Variants in STXBP3 observed in about 807,000 individuals in gnomAD.
STXBP3 encodes the protein syntaxin-binding protein 3.
In STXBP3, 41 loss-of-function variants were observed where a neutral mutation model predicts 85.7. The observed-to-expected ratio is 0.48, with a 90% confidence interval of 0.37 to 0.62. The LOEUF is 0.62. Ranked by LOEUF, STXBP3 falls within the 20% of genes least tolerant of loss-of-function variation. The pLI is 0.00. For synonymous variants in STXBP3, 229 were observed against 231.7 expected, an observed-to-expected ratio of 0.99 and a Z score of 0.10; for missense variants, 563 against 703.1, an observed-to-expected ratio of 0.80 and a Z score of 2.25.
At chr1:108,799,842 C>T (rs191959189) in intron 16 of STXBP3, among the ~76,000 whole-genome samples, 115 of 152,098 alleles carry the variant, frequency 7.6e-4, no homozygotes, top group African/African-American at 2.7e-3. Context: ...ATTGAATTGT[C>T]TTGAGTACCC....
Position 108,752,260 on chromosome 1 carries a change from T to C in STXBP3, c.53T>C (p.Ile18Thr). The change falls in exon 2 of 19, where the codon ATA (isoleucine) becomes ACA (threonine). Residue 18 changes from isoleucine (I) to threonine (T), a missense_variant. Ile to Thr is a moderately conservative substitution (Grantham distance 89). Around this residue, in one of 3 missense-constraint regions of STXBP3, gnomAD observed 37 missense variants for 39.7 expected, o/e 0.93. Coordinates refer to ENST00000370008, the MANE Select transcript of STXBP3 (RefSeq NM_007269.4). ...RGLKSVVWQK[I>T]KATVFDDCKK... ...AATTCCTTTCTTTTTTAAACAGAGATAAAAGCAACAGTGTTTGATGACTGC... is the reference window on the plus strand; with the variant it reads ...AATTCCTTTCTTTTTTAAACAGAGACAAAAGCAACAGTGTTTGATGACTGC... The C allele has an allele frequency of 6.2e-7, 1 of 1,610,096 alleles. No individual in the cohort carries two copies. The highest frequency in any genetic ancestry group is 8.5e-7 in the Non-Finnish European group (1 of 1,177,864).
At chr1:108,785,687 C>T (rs1445267364) in intron 11 of STXBP3, among the ~76,000 whole-genome samples, 1 of 152,162 alleles carries the variant, frequency 6.6e-6, no homozygotes, top group African/African-American at 2.4e-5. Context: ...ATTTTTCAAA[C>T]TTTTATGCTC....
intron 11 of STXBP3, among the ~76,000 whole-genome samples, chr1:108,785,623 A>G (rs768929900): frequency 1.1e-4 from 17 of 152,182 alleles, no homozygotes; most frequent in Non-Finnish European, 2.5e-4. Flanking sequence ...TTCAGCAGCC[A>G]GCTTGAATTT....
At chr1:108,791,663 G>A (rs964431256) in intron 11 of STXBP3, among the ~76,000 whole-genome samples, 2 of 151,852 alleles carry the variant, frequency 1.3e-5, no homozygotes. Flanking sequence ...TGAAAACTGA[G>A]GTATAAAGCA....
At chr1:108,762,885 A>G (rs1246407591) in intron 6 of STXBP3, among the ~76,000 whole-genome samples, 2 of 152,238 alleles carry the variant, frequency 1.3e-5, no homozygotes, top group East Asian at 3.8e-4. Context: ...TACTTTTGCC[A>G]AAATCCTCCA....
At chr1:108,808,421 A>G (rs115667974) in intron 18 of STXBP3, among the ~76,000 whole-genome samples, 2,741 of 152,322 alleles carry the variant, frequency 0.018, 38 homozygotes, top group Middle Eastern at 0.034. Flanking sequence ...GAGGCGATGG[A>G]TCTGTGTGTT....
At chr1:108,759,294 C>T (rs1202499085) in intron 5 of STXBP3, 3 of 152,090 alleles carry the variant, frequency 2.0e-5, no homozygotes, top group Admixed American at 2.0e-4. Context: ...AAAAATGTCA[C>T]ACCATAAGTA....
chr1:108,765,619 G>C (rs186267002), intron 6 of STXBP3, among the ~76,000 whole-genome samples: 6 of 126,200 alleles, frequency 4.8e-5, no homozygotes, highest in African/African-American at 1.6e-4. Context: ...CCATCATCCA[G>C]GCTGGAGTGC....
chr1:108,754,629 A>G (rs534579020), intron 3 of STXBP3, among the ~76,000 whole-genome samples: 18 of 152,260 alleles, frequency 1.2e-4, no homozygotes, highest in African/African-American at 4.3e-4. Context: ...CTGTATGCTC[A>G]CTATTAATAG....
intron 11 of STXBP3, among the ~76,000 whole-genome samples, chr1:108,790,582 T>C (rs1662953425): frequency 6.6e-6 from 1 of 152,044 alleles, no homozygotes; most frequent in Non-Finnish European, 1.5e-5. Flanking sequence ...ATTATTGATA[T>C]AGTTAAATTT....
At chr1:108,807,342 T>C in intron 17 of STXBP3, 59 bp from the exon 18 acceptor site, 2 of 1,537,894 alleles carry the variant, frequency 1.3e-6, no homozygotes, top group South Asian at 2.5e-5. Flanking sequence ...TCTACAAGCA[T>C]TATGGCTTTG....
At chr1:108,776,130 G>T (rs1662586689) in intron 7 of STXBP3, among the ~76,000 whole-genome samples, 1 of 152,102 alleles carries the variant, frequency 6.6e-6, no homozygotes, top group Admixed American at 6.6e-5. Flanking sequence ...AAGCAGATAT[G>T]ATAAGGTTTT....
rs928784399 is a variant in STXBP3, at chr1:108,772,282, TATA to T, written c.439-381_439-379del. ...ACATATGATATCTATCTGTATCATA[TATA>T]AATACATATGATATCTGTATCATAT... On this transcript the variant is annotated intron_variant, in intron 6 of 18. Coordinates refer to ENST00000370008, the MANE Select transcript of STXBP3 (RefSeq NM_007269.4). Among the ~76,000 whole-genome samples the T allele has an allele frequency of 4.4e-4, 34 of 77,602 alleles. 9 individuals are homozygous for T. Among genetic ancestry groups the T allele is most frequent in the Non-Finnish European group, 9.1e-4 (33 of 36,326 alleles). The allele number at this position is 77,602 out of a possible 152,430, so 50.9% of individuals were successfully genotyped here.
chr1:108,773,932 A>G (rs1480169494), intron 7 of STXBP3, among the ~76,000 whole-genome samples: 1 of 152,126 alleles, frequency 6.6e-6, no homozygotes, highest in African/African-American at 2.4e-5. Flanking sequence ...CAAAATGAAC[A>G]TATCCATCTA....
chr1:108,786,492 A>G (rs2101126650), intron 11 of STXBP3, among the ~76,000 whole-genome samples: 1 of 152,324 alleles, frequency 6.6e-6, no homozygotes, highest in East Asian at 1.9e-4. Flanking sequence ...GTCTAGCTTC[A>G]TTTTATTTCG....
chr1:108,807,075 A>T (rs1232102856), intron 17 of STXBP3, among the ~76,000 whole-genome samples: 1 of 152,140 alleles, frequency 6.6e-6, no homozygotes, highest in Admixed American at 6.5e-5. Flanking sequence ...AACATGGTGA[A>T]ACCCTGTCTC....
chr1:108,753,469 T>G (rs1195630072), intron 3 of STXBP3, among the ~76,000 whole-genome samples: 4 of 152,022 alleles, frequency 2.6e-5, no homozygotes, highest in Non-Finnish European at 4.4e-5. Flanking sequence ...TTTGATTTAG[T>G]TTATGGTTTC....
chr1:108,756,816 G>A, intron 4 of STXBP3, 50 bp downstream of exon 4: 1 of 1,388,050 alleles, frequency 7.2e-7, no homozygotes, highest in South Asian at 1.4e-5. Flanking sequence ...TTTCACCATT[G>A]TTATGGTTTA....
intron 12 of STXBP3, 47 bp from the exon 13 acceptor site, chr1:108,794,780 A>G: frequency 6.4e-7 from 1 of 1,557,118 alleles, no homozygotes; most frequent in Non-Finnish European, 8.8e-7. Context: ...CCAGTTGCAC[A>G]AAAGTCATTA....
Sources: gnomAD v4.1 joint callset for allele counts (sites outside exome capture counted in the v4.1 genomes callset) on GRCh38, gnomAD v4.1.1 for gene constraint, gnomAD v4.1.1 regional missense constraint, MANE v1.5 for transcripts, NCBI Gene and HGNC (gene_info 2026-07-23, HGNC 2026-07-21) for gene names.